The following KCNH2 variants were observed in gnomAD, a reference collection of about 807,000 sequenced individuals.
KCNH2 encodes the protein voltage-gated inwardly rectifying potassium channel KCNH2.
In KCNH2, 35 loss-of-function variants were observed where a neutral mutation model predicts 95.9. The observed-to-expected ratio is 0.37, with a 90% confidence interval of 0.28 to 0.48. KCNH2 has a LOEUF of 0.48. Among genes scored for constraint, KCNH2 ranks in the 20% least tolerant of loss-of-function variants. The probability of loss-of-function intolerance (pLI) is 0.99; values close to 1 mark genes in which losing one functional copy is unlikely to be tolerated. For synonymous variants in KCNH2, 786 were observed against 754.7 expected, an observed-to-expected ratio of 1.04 and a Z score of -0.68; for missense variants, 1,274 against 1,702.9, an observed-to-expected ratio of 0.75 and a Z score of 4.43.
intron 2 of KCNH2, among the ~76,000 whole-genome samples, chr7:150,974,233 T>C (rs969837993): frequency 3.9e-5 from 6 of 152,212 alleles, no homozygotes; most frequent in African/African-American, 1.4e-4. Flanking sequence ...GCCAGAGTCC[T>C]GCAGCCCTCC....
At chr7:150,960,898 A>G (rs3807377) in intron 2 of KCNH2, among the ~76,000 whole-genome samples, 49,994 of 146,414 alleles carry the variant, frequency 0.34, 9,370 homozygotes, top group East Asian at 0.71. Context: ...TGATTTCTGA[A>G]GGAGCCCCTT....
intron 11 of KCNH2, 47 bp downstream of exon 11, chr7:150,948,397 C>A: frequency 6.9e-7 from 1 of 1,441,496 alleles, no homozygotes; most frequent in Non-Finnish European, 9.4e-7. Flanking sequence ...CAGCTCCCAG[C>A]CTCACCTTGT....
At chr7:150,965,803 G>A (rs1462716986) in intron 2 of KCNH2, among the ~76,000 whole-genome samples, 4 of 152,200 alleles carry the variant, frequency 2.6e-5, no homozygotes, top group African/African-American at 4.8e-5. Flanking sequence ...AGAACTGAGG[G>A]TGGACTCAGG....
chr7:150,968,328 G>A (rs1801756299), intron 2 of KCNH2, among the ~76,000 whole-genome samples: 2 of 152,228 alleles, frequency 1.3e-5, no homozygotes, highest in African/African-American at 4.8e-5. Flanking sequence ...CTCATTTACA[G>A]TGGCTGGGAG....
chr7:150,962,165 G>A lies in KCNH2; in HGVS notation c.308-2429C>T, dbSNP rs1801582610. ...AGACCATTTGGCACCCAGACAGCCT[G>A]CCTGGAGTTTATGCCCTAATATGGT... On this transcript the variant is annotated intron_variant, in intron 2 of 14. Transcript: ENST00000262186. This position sits in a 1 kb window ranked among gnomAD's most constrained non-coding sequence, Gnocchi z 5.7. Among the ~76,000 whole-genome samples, 1 of 152,244 alleles carries A rather than the reference G, an allele frequency of 6.6e-6. No homozygotes were observed. The highest frequency in any genetic ancestry group is 2.1e-4 in the South Asian group (1 of 4,834).
chr7:150,951,415 C>T (rs922448824), intron 7 of KCNH2, 33 bp downstream of exon 7: 15 of 1,612,368 alleles, frequency 9.3e-6, no homozygotes, highest in Non-Finnish European at 1.3e-5. Context: ...CCACCGTGGG[C>T]TCTCCCCGCC....
intron 5 of KCNH2, chr7:150,955,655 G>C: frequency 7.1e-7 from 1 of 1,407,630 alleles, no homozygotes; most frequent in Non-Finnish European, 9.2e-7. Flanking sequence ...AGCCAGGGTG[G>C]TTGTGGCTGG....
rs1360466284 is a variant in KCNH2 at position 150,977,964 on chromosome 7, C to A, written c.-51G>T. On this transcript the variant is annotated 5_prime_UTR_variant, in exon 1 of 15. Transcript: ENST00000262186. Reference sequence around the variant, plus strand: ...GGCCCCCACCCACCCCGGCCCGGCCCGGCCCAGCACTAGGCTTCGGGTGGC... The same window carrying A: ...GGCCCCCACCCACCCCGGCCCGGCCAGGCCCAGCACTAGGCTTCGGGTGGC... 1 of 1,197,334 alleles carries A rather than the reference C, an allele frequency of 8.4e-7. No individual in the cohort carries two copies. The highest frequency in any genetic ancestry group is 1.6e-5 in the African/African-American group (1 of 61,718). 74.2% of individuals were successfully genotyped at this position (1,197,334 alleles called of 1,614,324 possible). A position where few individuals can be genotyped will look rare whatever the true frequency, so the allele number is the denominator to read the frequency against.
Position 150,958,390 on chromosome 7 carries a change from C to G in KCNH2, c.585G>C (p.Val195=). 6.8e-7 allele frequency: 1 copy of G among 1,465,560 alleles called. No homozygotes were observed. The allele number at this position is 1,465,560 out of a possible 1,614,324, so 90.8% of individuals were successfully genotyped here. A position where few individuals can be genotyped will look rare whatever the true frequency, so the allele number is the denominator to read the frequency against. The change falls in exon 4 of 15, where the codon GTG becomes GTC. Residue 195 remains valine (V), a synonymous_variant. Transcript: ENST00000262186. ...CCGCGGGCGTCAGGTCCACGTCCAC[C>G]ACCACGGCCCCCGGGGCGCCCGCGC... ...AGGAGAPGAV[V]VDVDLTPAAP... is the part of the protein sequence containing the mutation.
chr7:150,947,628 G>A lies in KCNH2; in HGVS notation c.2943C>T (p.Ser981=), dbSNP rs374528441. 42 of 1,612,456 alleles carry A rather than the reference G, an allele frequency of 2.6e-5. No homozygotes were observed. Among genetic ancestry groups the A allele is most frequent in the African/African-American group, 4.0e-5 (3 of 74,896 alleles). The change falls in exon 12 of 15, where the codon AGC becomes AGT. Residue 981 remains serine (S), a synonymous_variant. Transcript: ENST00000262186. The part of the protein sequence containing the change: ...EPLMEDCEKS[S]DTCNPLSGAF... Reference sequence around the variant, plus strand: ...TACCTGACAGGGGGTTGCAAGTGTCGCTGCTCTTCTCGCAGTCCTCCATCA... The same window carrying A: ...TACCTGACAGGGGGTTGCAAGTGTCACTGCTCTTCTCGCAGTCCTCCATCA...
At chr7:150,955,185 G>C (rs143470748) in intron 5 of KCNH2, among the ~76,000 whole-genome samples, 25 of 152,358 alleles carry the variant, frequency 1.6e-4, no homozygotes, top group African/African-American at 5.5e-4. Context: ...CAGGAGCGGG[G>C]AAGTCCCAGC....
chr7:150,954,288 A>C (rs927537456), intron 5 of KCNH2, among the ~76,000 whole-genome samples: 1 of 151,224 alleles, frequency 6.6e-6, no homozygotes, highest in Non-Finnish European at 1.5e-5. Flanking sequence ...AAAAGAAAAC[A>C]CTGGCCAGGC....
At chr7:150,968,792 G>C (rs904443680) in intron 2 of KCNH2, among the ~76,000 whole-genome samples, 1 of 152,176 alleles carries the variant, frequency 6.6e-6, no homozygotes, top group Admixed American at 6.5e-5. Flanking sequence ...ATGCAGGATG[G>C]GGCGGGGTGC....
Position 150,952,575 on chromosome 7 carries a change from G to C in KCNH2, c.1407C>G (p.Ile469Met). The C allele has an allele frequency of 6.2e-7, 1 of 1,614,234 alleles. No individual in the cohort carries two copies. The highest frequency in any genetic ancestry group is 8.5e-7 in the Non-Finnish European group (1 of 1,180,048). Residue 469 changes from isoleucine (I) to methionine (M), a missense_variant, in exon 6 of 15, where the codon ATC becomes ATG. Physicochemically the swap from Ile to Met is conservative, Grantham distance 10 (BLOSUM62 1). Coordinates refer to ENST00000262186, the MANE Select transcript of KCNH2 (RefSeq NM_000238.4). This position sits in a 1 kb window ranked among gnomAD's most constrained non-coding sequence, Gnocchi z 7.3. ...CATTGACGTAGGTGGTGCGGAAGTTGATGAGGATGTCCACAATGAACATGA... is the reference window on the plus strand; with the variant it reads ...CATTGACGTAGGTGGTGCGGAAGTTCATGAGGATGTCCACAATGAACATGA... ...VDIMFIVDIL[I>M]NFRTTYVNAN...
chr7:150,967,151 C>T (rs1280324974), intron 2 of KCNH2, among the ~76,000 whole-genome samples: 11 of 152,110 alleles, frequency 7.2e-5, no homozygotes, highest in African/African-American at 2.7e-4. Context: ...TGGTGGTGCA[C>T]ACCTGTAATC....
chr7:150,946,142 A>G lies in KCNH2; in HGVS notation c.3331-628T>C, dbSNP rs1229930281. Among the ~76,000 whole-genome samples the G allele has an allele frequency of 2.0e-5, 3 of 151,980 alleles. No individual in the cohort carries two copies. The highest frequency in any genetic ancestry group is 3.2e-3 in the Middle Eastern group (1 of 316). On this transcript the variant is annotated intron_variant, in intron 14 of 14. Transcript: ENST00000262186. This position sits in a 1 kb window ranked among gnomAD's most constrained non-coding sequence, Gnocchi z 6.5. The stretch of plus-strand genomic sequence containing the variant: ...GGAGCGGATGCCAAGGGAAGTGGGG[A>G]GGGAGCAGATCCCAGGCCGCCTCTG...
At position 150,963,137 on chromosome 7, in the gene KCNH2, G is replaced by A. The variant is rs376188608; in HGVS notation, c.308-3401C>T. On this transcript the variant is annotated intron_variant, in intron 2 of 14. Coordinates refer to ENST00000262186, the MANE Select transcript of KCNH2 (RefSeq NM_000238.4). ...CCCAGCTGCTGCAGGCTGCAGTTCC[G>A]CTGAGAGCCACTCCGTGGCAGGCAC... Among the ~76,000 whole-genome samples the A allele has an allele frequency of 6.6e-5, 10 of 152,330 alleles. No homozygotes were observed. In the East Asian group the frequency reaches 9.7e-4, roughly 15 times the overall value.
At chr7:150,955,844 G>C in intron 5 of KCNH2, 1 of 1,058,312 alleles carries the variant, frequency 9.4e-7, no homozygotes, top group South Asian at 4.4e-5. Context: ...CTTCTACCAG[G>C]TCCCCACCCC....
rs755065620 is a variant in KCNH2, at chr7:150,946,904, G to C, written c.3303C>G (p.Pro1101=). 3 of 1,599,258 alleles carry C rather than the reference G, an allele frequency of 1.9e-6. No individual in the cohort carries two copies. The highest frequency in any genetic ancestry group is 2.2e-5 in the South Asian group (2 of 89,528). The change falls in exon 14 of 15, where the codon CCC becomes CCG. Residue 1101 remains proline (P), a synonymous_variant. Transcript: ENST00000262186. This position sits in a 1 kb window ranked among gnomAD's most constrained non-coding sequence, Gnocchi z 6.5. ...TSPLLPVSPL[P]TLTLDSLSQV... is the part of the protein sequence containing the mutation. ...GAGAAAGCGAGTCCAAGGTGAGGGT[G>C]GGGAGGGGGCTGACGGGCAACAGCG...
Sources: allele counts gnomAD v4.1 joint callset (sites outside exome capture counted in the v4.1 genomes callset), GRCh38; gene constraint gnomAD v4.1.1; non-coding constraint Gnocchi (gnomAD v3.1); transcripts MANE v1.5; gene names NCBI Gene and HGNC (gene_info 2026-07-23, HGNC 2026-07-21).